The following FANCM variants were observed in gnomAD, a reference collection of about 807,000 sequenced individuals.
FANCM encodes the protein Fanconi anemia group M protein.
A neutral mutation model predicts 199.5 loss-of-function variants in FANCM; 140 were observed. That is an observed-to-expected ratio of 0.70 (90% CI 0.61 to 0.81). The LOEUF is 0.81. FANCM is among the 30% of genes least tolerant of loss of function. The probability of loss-of-function intolerance (pLI) is 0.00; values close to 1 mark genes in which losing one functional copy is unlikely to be tolerated. For missense variants in FANCM, 2,410 were observed against 2,421.4 expected (o/e 1.00, Z 0.10); for synonymous variants, 840 against 836.8 (o/e 1.00, Z -0.07).
At chr14:45,182,490 A>C (rs1889132655) in intron 16 of FANCM, among the ~76,000 whole-genome samples, 2 of 152,210 alleles carry the variant, frequency 1.3e-5, no homozygotes, top group South Asian at 4.1e-4. Flanking sequence ...ATTTAGGCTA[A>C]ACAAGAAAGA....
chr14:45,159,358 C>G, intron 9 of FANCM, 78 bp downstream of exon 9: 3 of 1,038,348 alleles, frequency 2.9e-6, no homozygotes, highest in South Asian at 2.9e-5. Context: ...TTAGTTTTAA[C>G]TCACTGGTCA....
At chr14:45,179,802 C>T (rs375603291) in intron 14 of FANCM, among the ~76,000 whole-genome samples, 9 of 152,122 alleles carry the variant, frequency 5.9e-5, no homozygotes, top group East Asian at 1.9e-4. Flanking sequence ...CCATGTGATC[C>T]GCCTGCCTCT....
chr14:45,151,596 T>C, intron 5 of FANCM, 68 bp downstream of exon 5: 2 of 1,435,330 alleles, frequency 1.4e-6, no homozygotes, highest in South Asian at 2.3e-5. Context: ...AAAACATAGG[T>C]AATGATATTT....
chr14:45,162,246 C>T (rs1887659271), intron 9 of FANCM, among the ~76,000 whole-genome samples: 1 of 152,140 alleles, frequency 6.6e-6, no homozygotes, highest in Middle Eastern at 3.4e-3. Context: ...ATTAGCCAGG[C>T]ATGGTGGCGG....
rs1370456054 is a variant in FANCM at position 45,136,341 on chromosome 14, T to G, written c.310T>G (p.Phe104Val). Residue 104 changes from phenylalanine to valine, a missense_variant, in exon 1 of 23, where the codon TTT becomes GTT. Physicochemically the swap from Phe to Val is conservative, Grantham distance 50. Coordinates refer to ENST00000267430, the MANE Select transcript of FANCM (RefSeq NM_020937.4). Reference protein sequence around the residue: ...YQLHISRAALFCNTLVCLPTG... With the variant: ...YQLHISRAALVCNTLVCLPTG... ...GCTGCACATTTCCCGGGCTGCTCTG[T>G]TTTGCAATACGCTGGTGTGTCTGCC... 6.2e-7 allele frequency: 1 copy of G among 1,614,132 alleles called. No individual in the cohort carries two copies. Among genetic ancestry groups the G allele is most frequent in the Admixed American group, 1.7e-5 (1 of 60,018 alleles).
intron 3 of FANCM, among the ~76,000 whole-genome samples, chr14:45,143,606 G>A (rs1217831732): frequency 6.6e-6 from 1 of 151,632 alleles, no homozygotes; most frequent in African/African-American, 2.4e-5. Context: ...CTTTATTGAA[G>A]AATGGTAAAA....
intron 11 of FANCM, among the ~76,000 whole-genome samples, chr14:45,168,830 A>G (rs1409482107): frequency 1.3e-5 from 2 of 148,238 alleles, no homozygotes; most frequent in Non-Finnish European, 1.5e-5. Flanking sequence ...TATATATAGT[A>G]TATGTAGTAT....
chr14:45,170,259 A>G (rs1888253245), intron 11 of FANCM, among the ~76,000 whole-genome samples: 1 of 152,184 alleles, frequency 6.6e-6, no homozygotes, highest in South Asian at 2.1e-4. Flanking sequence ...GTGGTTTTTT[A>G]TGAAGAATAC....
In FANCM at chr14:45,185,218, A is replaced by G. The variant is rs775457463; in HGVS notation, c.4517A>G (p.His1506Arg). ...KVPKRQSHLKHVARKFLDDEA... is the reference protein window; with the variant it reads ...KVPKRQSHLKRVARKFLDDEA... The stretch of plus-strand genomic sequence containing the variant: ...TGTTTTCTAATTTGTCTTACTTAGC[A>G]TGTAGCTAGGAAGTTTTTAGATGAT... Residue 1506 changes from histidine to arginine, a missense_variant and splice_region_variant, in exon 18 of 23, where the codon CAT (histidine) becomes CGT (arginine). By Grantham distance (29) the His-to-Arg change is conservative (BLOSUM62 0). Transcript: ENST00000267430. The G allele has an allele frequency of 3.2e-6, 5 of 1,578,374 alleles. No homozygotes were observed. The African/African-American group carries it at 4.1e-5, about 13-fold the overall frequency.
chr14:45,180,919 T>C (rs1323562108), intron 14 of FANCM: 1 of 167,356 alleles, frequency 6.0e-6, no homozygotes, highest in African/African-American at 2.4e-5. Flanking sequence ...AGTTACAACA[T>C]TTTGTATTGA....
At chr14:45,193,685 A>G (rs1041843133) in intron 20 of FANCM, among the ~76,000 whole-genome samples, 5 of 151,804 alleles carry the variant, frequency 3.3e-5, no homozygotes, top group African/African-American at 7.3e-5. Context: ...GTCTTTTTCT[A>G]TGCCAGTACC....
At chr14:45,140,264 T>C (rs1885816550) in intron 2 of FANCM, among the ~76,000 whole-genome samples, 1 of 152,102 alleles carries the variant, frequency 6.6e-6, no homozygotes. Context: ...GGTTTCACCA[T>C]GTTGCCCAGG....
chr14:45,195,189 T>C (rs1000332232), intron 20 of FANCM, among the ~76,000 whole-genome samples: 1 of 152,264 alleles, frequency 6.6e-6, no homozygotes, highest in African/African-American at 2.4e-5. Context: ...GTTGAAAGCA[T>C]CTTTTTTCTT....
chr14:45,178,602 G>A (rs969824344), intron 14 of FANCM, among the ~76,000 whole-genome samples: 3 of 152,176 alleles, frequency 2.0e-5, no homozygotes, highest in African/African-American at 7.2e-5. Context: ...CCTAGAATGA[G>A]TTGGTTACTA....
At chr14:45,191,345 G>A (rs915233409) in intron 20 of FANCM, among the ~76,000 whole-genome samples, 2 of 152,116 alleles carry the variant, frequency 1.3e-5, no homozygotes, top group African/African-American at 4.8e-5. Context: ...CAGTATCCTA[G>A]GCTTTTCTCG....
In FANCM at chr14:45,176,344, A is replaced by T. The variant is rs1329933964; in HGVS notation, c.3590A>T (p.Asp1197Val). 1.2e-6 allele frequency: 2 copies of T among 1,613,762 alleles called. No individual in the cohort carries two copies. Among genetic ancestry groups the T allele is most frequent in the Admixed American group, 3.3e-5 (2 of 60,022 alleles). ...GAACTCCAAGATCAAATCACCCGTG[A>T]TGCTAATAGTTTTAAATCTCGTGAT... Reference protein sequence around the residue: ...NSELQDQITRDANSFKSRDQR... With the variant: ...NSELQDQITRVANSFKSRDQR... The change falls in exon 14 of 23, where the codon GAT (aspartate) becomes GTT (valine). Residue 1197 changes from aspartate (D) to valine (V), a missense_variant. By Grantham distance (152) the Asp-to-Val change is radical. Transcript: ENST00000267430.
intron 10 of FANCM, among the ~76,000 whole-genome samples, 170 bp from the exon 11 acceptor site, chr14:45,166,777 CAAA>C (rs781175707): frequency 1.9e-4 from 14 of 74,312 alleles, no homozygotes; most frequent in Non-Finnish European, 2.0e-4. Flanking sequence ...GACCCTGTCT[CAAA>C]AAAAAAAAAA....
intron 12 of FANCM, 32 bp from the exon 13 acceptor site, chr14:45,173,023 T>G (rs1346554085): frequency 6.7e-7 from 1 of 1,500,464 alleles, no homozygotes; most frequent in Admixed American, 1.7e-5. Flanking sequence ...CAGTATGTTT[T>G]CATCATTTTT....
At chr14:45,197,515 A>C (rs915390212) in intron 21 of FANCM, among the ~76,000 whole-genome samples, 5 of 148,984 alleles carry the variant, frequency 3.4e-5, no homozygotes, top group African/African-American at 1.2e-4. Context: ...CCCAGGCTGG[A>C]GTGCAGTGGC....
Sources: allele counts gnomAD v4.1 joint callset (sites outside exome capture counted in the v4.1 genomes callset), GRCh38; gene constraint gnomAD v4.1.1; transcripts MANE v1.5; gene names NCBI Gene and HGNC (gene_info 2026-07-23, HGNC 2026-07-21).